FMN1: variants seen among roughly 807,000 people sequenced by gnomAD.
FMN1 encodes formin-1.
FMN1 carries 110 observed loss-of-function variants against 132.4 expected under a neutral mutation model. The observed-to-expected ratio is 0.83, with a 90% confidence interval of 0.71 to 0.97. The LOEUF (loss-of-function observed/expected upper bound fraction) is 0.97, where lower values mean the gene tolerates loss of function less well. Among genes scored for constraint, FMN1 ranks in the 50% least tolerant of loss-of-function variants. FMN1 has a pLI of 0.00. For synonymous variants in FMN1, 722 were observed against 651.7 expected (o/e 1.11, Z -1.64); for missense variants, 1,792 against 1,705.3 (o/e 1.05, Z -0.90).
chr15:33,099,730 C>T (rs2039222086), intron 4 of FMN1, among the ~76,000 whole-genome samples: 1 of 152,142 alleles, frequency 6.6e-6, no homozygotes, highest in Admixed American at 6.5e-5. Context: ...ATTGGCATCC[C>T]CATTTATGTT....
intron 9 of FMN1, among the ~76,000 whole-genome samples, chr15:32,956,485 C>G (rs902923906): frequency 7.2e-5 from 11 of 151,998 alleles, no homozygotes; most frequent in Non-Finnish European, 1.5e-4. Flanking sequence ...GCTCCTGTTT[C>G]CTTTCAGTAA....
intron 9 of FMN1, among the ~76,000 whole-genome samples, chr15:32,935,864 G>C (rs895352714): frequency 6.6e-6 from 1 of 152,106 alleles, no homozygotes; most frequent in Non-Finnish European, 1.5e-5. Context: ...CTGACCTCGT[G>C]ATCTGCCCAC....
At chr15:33,144,659 G>C (rs551387007) in intron 4 of FMN1, among the ~76,000 whole-genome samples, 6 of 132,760 alleles carry the variant, frequency 4.5e-5, no homozygotes, top group Non-Finnish European at 8.2e-5. Context: ...AAAAAAAAGA[G>C]AAATCCAATA....
At position 32,910,517 on chromosome 15, in the gene FMN1, T is replaced by C; in HGVS notation, c.3245A>G (p.Asp1082Gly). The change falls in exon 11 of 21, where the codon GAC becomes GGC. Residue 1082 changes from aspartate (D) to glycine (G), a missense_variant. This residue lies in a region of FMN1 where 1,150 missense variants were observed against 1,043.1 expected (regional missense o/e 1.10). Transcript: ENST00000616417. ...DIQQAIFNVD[D>G]SVVDLETLAA... ...CAGGGTCTCCAGATCAACCACGGAG[T>C]CATCCACATTGAAAATGGCTGCCAA... The C allele has an allele frequency of 1.3e-6, 2 of 1,575,548 alleles. No homozygotes were observed. Among genetic ancestry groups the C allele is most frequent in the Non-Finnish European group, 1.7e-6 (2 of 1,159,984 alleles).
chr15:32,866,019 A>G (rs1279205514), intron 16 of FMN1, among the ~76,000 whole-genome samples: 1 of 151,942 alleles, frequency 6.6e-6, no homozygotes, highest in Non-Finnish European at 1.5e-5. Flanking sequence ...ATATACACCA[A>G]CAATTGGTAC....
rs1299525800 is a variant in FMN1 at position 33,066,497 on chromosome 15, C to A, written c.2044-1423G>T. On this transcript the variant is annotated intron_variant, in intron 5 of 20. Coordinates refer to ENST00000616417, the MANE Select transcript of FMN1 (RefSeq NM_001277313.2). ...CATATTTTATGTTAAAATGCAAAAC[C>A]CAATTCTACATACACTTTTGGAATC... 4.0e-6 allele frequency: 6 copies of A among 1,491,082 alleles called. 1 individual carries two copies. In the Admixed American group the frequency reaches 1.5e-4, roughly 38 times the overall value. The allele number at this position is 1,491,082 out of a possible 1,614,324, so 92.4% of individuals were successfully genotyped here. A position where few individuals can be genotyped will look rare whatever the true frequency, so the allele number is the denominator to read the frequency against.
chr15:32,839,155 A>C (rs2058691885), intron 17 of FMN1, among the ~76,000 whole-genome samples: 1 of 152,152 alleles, frequency 6.6e-6, no homozygotes, highest in Non-Finnish European at 1.5e-5. Context: ...CCAGCAAGCC[A>C]AGCAAAGATG....
intron 16 of FMN1, among the ~76,000 whole-genome samples, chr15:32,871,348 C>A (rs991552094): frequency 1.3e-5 from 2 of 152,070 alleles, no homozygotes; most frequent in African/African-American, 4.8e-5. Flanking sequence ...ATGGGGGTTG[C>A]CTTACTTATA....
intron 4 of FMN1, among the ~76,000 whole-genome samples, chr15:33,118,966 T>C (rs1171333895): frequency 6.6e-6 from 1 of 151,676 alleles, no homozygotes; most frequent in Non-Finnish European, 1.5e-5. Context: ...TTCAACATAA[T>C]TGAATGAAAA....
intron 12 of FMN1, among the ~76,000 whole-genome samples, chr15:32,905,538 GC>G (rs1039280603): frequency 6.6e-6 from 1 of 152,124 alleles, no homozygotes; most frequent in African/African-American, 2.4e-5. Flanking sequence ...AGAGTCAACG[GC>G]CATCCCTAGA....
intron 7 of FMN1, among the ~76,000 whole-genome samples, chr15:32,992,823 A>C (rs1457069497): frequency 6.6e-6 from 1 of 152,200 alleles, no homozygotes; most frequent in Non-Finnish European, 1.5e-5. Flanking sequence ...GGGTCATAAA[A>C]ATCGTTCATT....
At chr15:32,859,716 C>T (rs967836709) in intron 16 of FMN1, among the ~76,000 whole-genome samples, 2 of 152,198 alleles carry the variant, frequency 1.3e-5, no homozygotes, top group African/African-American at 4.8e-5. Context: ...CTCTAGAGAG[C>T]TCCATGTATC....
chr15:32,856,988 G>A, intron 17 of FMN1, 27 bp downstream of exon 17: 1 of 1,508,236 alleles, frequency 6.6e-7, no homozygotes, highest in Non-Finnish European at 9.2e-7. Context: ...AGGGCCACGT[G>A]TATGTGCGGC....
intron 7 of FMN1, among the ~76,000 whole-genome samples, chr15:32,987,670 T>C (rs1256424271): frequency 6.6e-6 from 1 of 152,146 alleles, no homozygotes; most frequent in African/African-American, 2.4e-5. Flanking sequence ...AGTTGCCAAG[T>C]ATAAAAACAA....
At chr15:32,849,595 A>G (rs2058957973) in intron 17 of FMN1, among the ~76,000 whole-genome samples, 2 of 152,158 alleles carry the variant, frequency 1.3e-5, no homozygotes, top group Admixed American at 6.5e-5. Context: ...TTTCTGGGAA[A>G]AAAAATCCCC....
chr15:32,906,390 C>T (rs2060425278), intron 12 of FMN1, among the ~76,000 whole-genome samples: 2 of 152,182 alleles, frequency 1.3e-5, no homozygotes, highest in Admixed American at 1.3e-4. Flanking sequence ...TTTCAGTGTT[C>T]ATAAGTAAAA....
intron 6 of FMN1, among the ~76,000 whole-genome samples, chr15:33,019,066 G>T (rs1472601540): frequency 6.6e-6 from 1 of 152,178 alleles, no homozygotes; most frequent in African/African-American, 2.4e-5. Context: ...GCTGGCTCCG[G>T]CAGCCTGCTT....
chr15:32,834,343 G>A (rs930155537), intron 17 of FMN1, among the ~76,000 whole-genome samples: 20 of 152,082 alleles, frequency 1.3e-4, no homozygotes, highest in African/African-American at 4.6e-4. Context: ...AACAGAACTT[G>A]GTCTCCCTTG....
At chr15:32,925,109 T>C (rs1241441859) in intron 10 of FMN1, among the ~76,000 whole-genome samples, 1 of 152,170 alleles carries the variant, frequency 6.6e-6, no homozygotes, top group African/African-American at 2.4e-5. Context: ...TTATCTAAAA[T>C]TGAGCCAAAG....
Sources: allele counts gnomAD v4.1 joint callset (sites outside exome capture counted in the v4.1 genomes callset), GRCh38; gene constraint gnomAD v4.1.1; regional missense constraint gnomAD v4.1.1; transcripts MANE v1.5; gene names NCBI Gene and HGNC (gene_info 2026-07-23, HGNC 2026-07-21).